The following STXBP5L variants were observed in gnomAD, a reference collection of about 807,000 sequenced individuals.
STXBP5L encodes the protein syntaxin binding protein 5L.
Under a neutral mutation model 144.5 loss-of-function variants are expected in STXBP5L, and 65 were observed. The observed-to-expected ratio is 0.45, with a 90% CI of 0.37 to 0.55. The LOEUF is 0.55. STXBP5L is among the 20% of genes least tolerant of loss of function. The pLI is 0.00. For missense variants in STXBP5L, 1,298 were observed against 1,405.5 expected, an observed-to-expected ratio of 0.92 and a Z score of 1.22; for synonymous variants, 505 against 469.6, an observed-to-expected ratio of 1.08 and a Z score of -0.97.
At chr3:121,204,358 T>C (rs1410160219) in intron 9 of STXBP5L, among the ~76,000 whole-genome samples, 1 of 152,224 alleles carries the variant, frequency 6.6e-6, no homozygotes, top group East Asian at 1.9e-4. Context: ...TGTATATTTT[T>C]GTACAGTGTG....
intron 9 of STXBP5L, among the ~76,000 whole-genome samples, chr3:121,190,074 A>G (rs2047578010): frequency 6.6e-6 from 1 of 151,088 alleles, no homozygotes. Flanking sequence ...TTTTTTTAGT[A>G]TTTATTGATC....
chr3:120,973,354 T>C (rs527983023), intron 3 of STXBP5L, among the ~76,000 whole-genome samples: 2 of 152,024 alleles, frequency 1.3e-5, no homozygotes, highest in East Asian at 3.9e-4. Flanking sequence ...AGTTTGAGAG[T>C]GTAGAGGTGC....
At chr3:121,286,376 C>G (rs974838850) in intron 19 of STXBP5L, among the ~76,000 whole-genome samples, 2 of 152,046 alleles carry the variant, frequency 1.3e-5, no homozygotes, top group African/African-American at 4.8e-5. Context: ...CAAAAATCAG[C>G]AAAAATTATG....
At chr3:121,211,674 GT>G (rs2048574296) in intron 10 of STXBP5L, among the ~76,000 whole-genome samples, 1 of 151,312 alleles carries the variant, frequency 6.6e-6, no homozygotes, top group African/African-American at 2.4e-5. Flanking sequence ...TGCCTCCGGG[GT>G]TCAAGCGATT....
intron 10 of STXBP5L, among the ~76,000 whole-genome samples, chr3:121,210,107 C>G (rs993182613): frequency 2.0e-5 from 3 of 152,112 alleles, no homozygotes; most frequent in African/African-American, 7.2e-5. Flanking sequence ...TGTTTCCTGA[C>G]TTTTTAATGA....
At chr3:121,336,109 G>A (rs1160939186) in intron 20 of STXBP5L, among the ~76,000 whole-genome samples, 1 of 152,134 alleles carries the variant, frequency 6.6e-6, no homozygotes, top group Non-Finnish European at 1.5e-5. Flanking sequence ...TAAAGGATAT[G>A]AATAGACACT....
intron 3 of STXBP5L, among the ~76,000 whole-genome samples, chr3:120,987,467 CT>C (rs1576581897): frequency 6.6e-6 from 1 of 151,616 alleles, no homozygotes; most frequent in Non-Finnish European, 1.5e-5. Flanking sequence ...TTGATTATTT[CT>C]TTTTTGTAAA....
rs537964909 is a variant in STXBP5L at position 121,029,616 on chromosome 3, C to A, written c.288-12084C>A. Reference sequence around the variant, plus strand: ...TAGGCAATACCATTCAGGACATAGGCATGGGCAAAGTCTTCGTGACTAGAA... The same window carrying A: ...TAGGCAATACCATTCAGGACATAGGAATGGGCAAAGTCTTCGTGACTAGAA... On this transcript the variant is annotated intron_variant, in intron 3 of 26. Transcript: ENST00000471454. Among the ~76,000 whole-genome samples, 3 of 152,224 alleles carry A rather than the reference C, an allele frequency of 2.0e-5. No homozygotes were observed. The East Asian group carries it at 5.8e-4, about 29-fold the overall frequency.
chr3:121,096,755 A>G (rs1002276070), intron 5 of STXBP5L, among the ~76,000 whole-genome samples: 2 of 152,094 alleles, frequency 1.3e-5, no homozygotes, highest in African/African-American at 4.8e-5. Context: ...TGCCAGCCAG[A>G]GCTCTCCTGT....
rs2046319868 is a variant in STXBP5L, at chr3:121,381,389, A to G, written c.2444A>G (p.Asp815Gly). 6.2e-7 allele frequency: 1 copy of G among 1,610,754 alleles called. No homozygotes were observed. The highest frequency in any genetic ancestry group is 8.5e-7 in the Non-Finnish European group (1 of 1,178,760). Residue 815 changes from aspartate (D) to glycine (G), a missense_variant, in exon 22 of 27, where the codon GAC (aspartate) becomes GGC (glycine). Physicochemically the swap from Asp to Gly is moderately conservative, Grantham distance 94. Coordinates refer to ENST00000471454, the MANE Select transcript of STXBP5L (RefSeq NM_001308330.2). Reference protein sequence around the residue: ...KEAITALYFMDSFARKNDSTI... With the variant: ...KEAITALYFMGSFARKNDSTI... ...GCAATTACAGCACTATACTTCATGGACTCCTTTGCACGGAAAAATGACTCT... is the reference window on the plus strand; with the variant it reads ...GCAATTACAGCACTATACTTCATGGGCTCCTTTGCACGGAAAAATGACTCT...
intron 9 of STXBP5L, among the ~76,000 whole-genome samples, chr3:121,189,829 A>G (rs1468792077): frequency 6.6e-6 from 1 of 152,200 alleles, no homozygotes. Flanking sequence ...GCGTGTGAAT[A>G]AAATGACCAA....
chr3:121,322,060 T>C (rs2043988419), intron 20 of STXBP5L, among the ~76,000 whole-genome samples: 1 of 152,128 alleles, frequency 6.6e-6, no homozygotes, highest in African/African-American at 2.4e-5. Flanking sequence ...CATCCTTATG[T>C]CCATGAATAC....
At chr3:121,183,347 C>G (rs1283588741) in intron 9 of STXBP5L, among the ~76,000 whole-genome samples, 1 of 152,116 alleles carries the variant, frequency 6.6e-6, no homozygotes, top group African/African-American at 2.4e-5. Flanking sequence ...AAGAGGAACT[C>G]AAACTGTTGC....
At chr3:121,140,590 C>T (rs1203553083) in intron 7 of STXBP5L, among the ~76,000 whole-genome samples, 2 of 152,128 alleles carry the variant, frequency 1.3e-5, no homozygotes, top group Non-Finnish European at 2.9e-5. Flanking sequence ...TTCGCGACAA[C>T]ATGGATGAAC....
At chr3:121,360,937 G>C (rs1364130677) in intron 20 of STXBP5L, among the ~76,000 whole-genome samples, 1 of 152,020 alleles carries the variant, frequency 6.6e-6, no homozygotes, top group Non-Finnish European at 1.5e-5. Flanking sequence ...TTTTCTTTCT[G>C]ATTGAAACAC....
At chr3:121,186,909 AAAC>A (rs2047406682) in intron 9 of STXBP5L, among the ~76,000 whole-genome samples, 1 of 152,104 alleles carries the variant, frequency 6.6e-6, no homozygotes, top group South Asian at 2.1e-4. Context: ...AAAAGTCAGG[AAAC>A]AACAGGTGCT....
rs2045630628 is a variant in STXBP5L at position 121,359,329 on chromosome 3, T to C, written c.2177-19387T>C. Among the ~76,000 whole-genome samples the C allele has an allele frequency of 2.0e-5, 3 of 152,174 alleles. No homozygotes were observed. In the South Asian group the frequency reaches 6.2e-4, roughly 32 times the overall value. ...AGATTTTTTTCATATAGAGTTGTTT[T>C]GAGCTTTTTATATATTTTGGTTAGT... On this transcript the variant is annotated intron_variant, in intron 20 of 26. Coordinates refer to ENST00000471454, the MANE Select transcript of STXBP5L (RefSeq NM_001308330.2).
At chr3:121,022,643 G>T (rs972224822) in intron 3 of STXBP5L, among the ~76,000 whole-genome samples, 2 of 151,898 alleles carry the variant, frequency 1.3e-5, no homozygotes, top group Admixed American at 6.6e-5. Flanking sequence ...ACATAAATAG[G>T]ATTAAAAACC....
intron 18 of STXBP5L, among the ~76,000 whole-genome samples, chr3:121,276,615 A>G (rs905001744): frequency 1.1e-4 from 16 of 151,882 alleles, no homozygotes; most frequent in African/African-American, 3.4e-4. Flanking sequence ...TTTGCTGGGT[A>G]TACAATTTTA....
Sources: allele counts gnomAD v4.1 joint callset (sites outside exome capture counted in the v4.1 genomes callset), GRCh38; gene constraint gnomAD v4.1.1; transcripts MANE v1.5; gene names NCBI Gene and HGNC (gene_info 2026-07-23, HGNC 2026-07-21).